TMIGD1: variants seen among roughly 807,000 people sequenced by gnomAD.
TMIGD1 encodes the protein transmembrane and immunoglobulin domain-containing protein 1.
In TMIGD1, 29 loss-of-function variants were observed where a neutral mutation model predicts 27.5. That is an observed-to-expected ratio of 1.05 (90% CI 0.78 to 1.44). The LOEUF (loss-of-function observed/expected upper bound fraction) is 1.44, where lower values mean the gene tolerates loss of function less well. Among genes scored for constraint, TMIGD1 ranks in the 40% most tolerant of loss-of-function variants. The probability of loss-of-function intolerance (pLI) is 0.00; values close to 1 mark genes in which losing one functional copy is unlikely to be tolerated. For missense variants in TMIGD1, 334 were observed against 310.6 expected (o/e 1.08, Z -0.57); for synonymous variants, 109 against 110.3 (o/e 0.99, Z 0.07).
chr17:30,319,452 G>T (rs1007036017), intron 4 of TMIGD1, among the ~76,000 whole-genome samples: 6 of 129,454 alleles, frequency 4.6e-5, no homozygotes, highest in African/African-American at 1.2e-4. Flanking sequence ...AAAAAAAAAA[G>T]TCACAGAACT....
chr17:30,325,929 A>G (rs76947460), intron 3 of TMIGD1, among the ~76,000 whole-genome samples: 54,633 of 151,812 alleles, frequency 0.36, 10,455 homozygotes, highest in Admixed American at 0.43. Flanking sequence ...CAGTCAACAC[A>G]TCTATCACTG....
At chr17:30,319,261 A>AAAAATATATATATATAT in intron 4 of TMIGD1, among the ~76,000 whole-genome samples, 32 of 69,036 alleles carry the variant, frequency 4.6e-4, no homozygotes, top group South Asian at 1.3e-3. Flanking sequence ...AAAAAAAAAA[A>AAAAATATATATATATAT]ATATATATAT....
At chr17:30,329,571 C>A in intron 2 of TMIGD1, 42 bp from the exon 3 acceptor site, 2 of 1,555,720 alleles carry the variant, frequency 1.3e-6, no homozygotes, top group Non-Finnish European at 1.8e-6. Flanking sequence ...ACAGAGTAAA[C>A]AACCTTAATG....
chr17:30,327,078 A>ACACACT (rs755137684), intron 3 of TMIGD1, among the ~76,000 whole-genome samples: 1 of 151,562 alleles, frequency 6.6e-6, no homozygotes, highest in African/African-American at 2.4e-5. Flanking sequence ...ACACACACAC[A>ACACACT]CTTAGCAACA....
chr17:30,327,262 CA>C (rs532375818), intron 3 of TMIGD1, among the ~76,000 whole-genome samples: 2 of 152,254 alleles, frequency 1.3e-5, no homozygotes, highest in African/African-American at 4.8e-5. Flanking sequence ...ACAAAAAATA[CA>C]AAAATCAGCT....
Position 30,318,862 on chromosome 17 carries a change from A to T in TMIGD1, c.692T>A (p.Ile231Asn). ...IEPIIAACVV[I>N]FLTLCFGLIA... Reference sequence around the variant, plus strand: ...CAGTCCAAAGCACAATGTCAGAAAGATCACAACACATGCAGCAATAATGGG... The same window carrying T: ...CAGTCCAAAGCACAATGTCAGAAAGTTCACAACACATGCAGCAATAATGGG... The change falls in exon 5 of 7, where the codon ATC becomes AAC. Residue 231 changes from isoleucine to asparagine, a missense_variant. Transcript: ENST00000328886. 1 of 1,614,046 alleles carries T rather than the reference A, an allele frequency of 6.2e-7. No homozygotes were observed.
At chr17:30,324,251 G>A (rs1310495961) in intron 4 of TMIGD1, among the ~76,000 whole-genome samples, 1 of 152,146 alleles carries the variant, frequency 6.6e-6, no homozygotes, top group East Asian at 1.9e-4. Flanking sequence ...TATGAGGAGG[G>A]AAAACCCCAC....
At chr17:30,324,795 A>G (rs1386252709) in intron 4 of TMIGD1, 21 bp downstream of exon 4, 1 of 1,611,600 alleles carries the variant, frequency 6.2e-7, no homozygotes, top group Admixed American at 1.7e-5. Context: ...TGTGCTGGGT[A>G]TTACTTAAAA....
chr17:30,316,346 T>C lies in TMIGD1; in HGVS notation c.*341A>G, dbSNP rs574746519. The C allele has an allele frequency of 1.5e-4, 30 of 196,240 alleles. No individual in the cohort carries two copies. The highest frequency in any genetic ancestry group is 2.6e-4 in the Non-Finnish European group (26 of 98,164). The allele number at this position is 196,240 out of a possible 1,614,324, so 12.2% of individuals were successfully genotyped here. ...GTTGTTTCTTCCTTTTTTTTTTTTTTTGGCTTTGCACCAATTTGTGAGACC... is the reference window on the plus strand; with the variant it reads ...GTTGTTTCTTCCTTTTTTTTTTTTTCTGGCTTTGCACCAATTTGTGAGACC... On this transcript the variant is annotated 3_prime_UTR_variant, in exon 7 of 7. Coordinates refer to ENST00000328886, the MANE Select transcript of TMIGD1 (RefSeq NM_206832.3).
rs149599290 is a variant in TMIGD1 at position 30,329,305 on chromosome 17, A to T, written c.307T>A (p.Cys103Ser). Residue 103 changes from cysteine to serine, a missense_variant, in exon 3 of 7, where the codon TGC (cysteine) becomes AGC (serine). Transcript: ENST00000328886. ...ACGGACTGATCCCTCCCCAGCCTGC[A>T]GGTAAAGCTGATTCCGTTGTCATTT... The part of the protein sequence containing the change: ...SENDNGISFT[C>S]RLGRDQSVSV... 4 of 1,614,052 alleles carry T rather than the reference A, an allele frequency of 2.5e-6. No homozygotes were observed. In the Admixed American group the frequency reaches 6.7e-5, roughly 27 times the overall value.
chr17:30,323,950 T>C (rs1027998963), intron 4 of TMIGD1, among the ~76,000 whole-genome samples: 1 of 152,254 alleles, frequency 6.6e-6, no homozygotes, highest in East Asian at 1.9e-4. Flanking sequence ...ACTCTTTTCA[T>C]ATCCCATAAC....
rs377545453 is a variant in TMIGD1, at chr17:30,316,669, G to T, written c.*18C>A. ...CTGATGCAAAACTCTCTCTGTATTCGATGGCATCTCAGCTTTCTCATCTGA... is the reference window on the plus strand; with the variant it reads ...CTGATGCAAAACTCTCTCTGTATTCTATGGCATCTCAGCTTTCTCATCTGA... On this transcript the variant is annotated 3_prime_UTR_variant, in exon 7 of 7. Coordinates refer to ENST00000328886, the MANE Select transcript of TMIGD1 (RefSeq NM_206832.3). 1 of 1,612,968 alleles carries T rather than the reference G, an allele frequency of 6.2e-7. No homozygotes were observed. The highest frequency in any genetic ancestry group is 2.2e-5 in the East Asian group (1 of 44,848).
Position 30,329,285 on chromosome 17 carries a change from C to T in TMIGD1, c.327G>A (p.Gln109=). 1.2e-6 allele frequency: 2 copies of T among 1,614,148 alleles called. No individual in the cohort carries two copies. Among genetic ancestry groups the T allele is most frequent in the South Asian group, 1.1e-5 (1 of 91,074 alleles). ...TCAGCACCACCGAAACGGACACGGA[C>T]TGATCCCTCCCCAGCCTGCAGGTAA... ...ISFTCRLGRD[Q]SVSVSVVLNV... The change falls in exon 3 of 7, where the codon CAG becomes CAA. Residue 109 remains glutamine (Q), a synonymous_variant. Transcript: ENST00000328886.
Position 30,329,300 on chromosome 17 carries a change from C to T in TMIGD1, c.312G>A (p.Arg104=). 1.2e-6 allele frequency: 2 copies of T among 1,614,098 alleles called. No homozygotes were observed. Among genetic ancestry groups the T allele is most frequent in the East Asian group, 2.2e-5 (1 of 44,882 alleles). Reference sequence around the variant, plus strand: ...CGGACACGGACTGATCCCTCCCCAGCCTGCAGGTAAAGCTGATTCCGTTGT... The same window carrying T: ...CGGACACGGACTGATCCCTCCCCAGTCTGCAGGTAAAGCTGATTCCGTTGT... ...ENDNGISFTC[R]LGRDQSVSVS... is the part of the protein sequence containing the mutation. The change falls in exon 3 of 7, where the codon AGG becomes AGA. Residue 104 remains arginine (R), a synonymous_variant. Transcript: ENST00000328886.
intron 2 of TMIGD1, among the ~76,000 whole-genome samples, chr17:30,330,968 G>A (rs1367667087): frequency 5.9e-5 from 9 of 152,110 alleles, no homozygotes; most frequent in Middle Eastern, 6.3e-3. Flanking sequence ...TGAGGCGGAC[G>A]GATCACCTGA....
At chr17:30,329,172 C>T in intron 3 of TMIGD1, 79 bp downstream of exon 3, 2 of 1,542,326 alleles carry the variant, frequency 1.3e-6, no homozygotes, top group Non-Finnish European at 1.8e-6. Context: ...TTGGCAATAC[C>T]AAGACCTAGA....
intron 6 of TMIGD1, 49 bp from the exon 7 acceptor site, chr17:30,316,739 A>G: frequency 6.4e-7 from 1 of 1,573,746 alleles, no homozygotes; most frequent in Non-Finnish European, 8.7e-7. Flanking sequence ...AGCAATAAGA[A>G]AAAAATTCAA....
At chr17:30,320,162 C>T (rs1176823357) in intron 4 of TMIGD1, among the ~76,000 whole-genome samples, 4 of 151,892 alleles carry the variant, frequency 2.6e-5, no homozygotes, top group Admixed American at 1.3e-4. Flanking sequence ...CTCAGCCTCC[C>T]GAGTAGCTGC....
rs1403569714 is a variant in TMIGD1, at chr17:30,318,822, C to A, written c.732G>T (p.Lys244Asn). 6.2e-7 allele frequency: 1 copy of A among 1,611,870 alleles called. No homozygotes were observed. Among genetic ancestry groups the A allele is most frequent in the South Asian group, 1.1e-5 (1 of 90,990 alleles). Residue 244 changes from lysine (K) to asparagine (N), a missense_variant, in exon 5 of 7, where the codon AAG (lysine) becomes AAT (asparagine). Transcript: ENST00000328886. Reference sequence around the variant, plus strand: ...AATACTTAGATACCTTCATTATTTTCTTTCTTCTAGCAATCAGTCCAAAGC... The same window carrying A: ...AATACTTAGATACCTTCATTATTTTATTTCTTCTAGCAATCAGTCCAAAGC... Reference protein sequence around the residue: ...TLCFGLIARRKKIMKLCMKDK... With the variant: ...TLCFGLIARRNKIMKLCMKDK...
Sources: gnomAD v4.1 joint callset for allele counts (sites outside exome capture counted in the v4.1 genomes callset) on GRCh38, gnomAD v4.1.1 for gene constraint, MANE v1.5 for transcripts, NCBI Gene and HGNC (gene_info 2026-07-23, HGNC 2026-07-21) for gene names.